Variants in EEF2K observed in about 807,000 individuals in gnomAD.
The protein encoded by EEF2K is eukaryotic elongation factor 2 kinase, also known as alternative protein EEF2K.
A neutral mutation model predicts 93.8 loss-of-function variants in EEF2K; 70 were observed. The observed-to-expected ratio is 0.75, with a 90% CI of 0.62 to 0.91. EEF2K has a LOEUF of 0.91. Ranked by LOEUF, EEF2K falls within the 40% of genes least tolerant of loss-of-function variation. The pLI is 0.00. For missense variants in EEF2K, 935 were observed against 972.9 expected (o/e 0.96, Z 0.52); for synonymous variants, 376 against 380.8 (o/e 0.99, Z 0.15).
intron 10 of EEF2K, among the ~76,000 whole-genome samples, chr16:22,259,243 A>T (rs1263671140): frequency 6.6e-6 from 1 of 152,230 alleles, no homozygotes; most frequent in Non-Finnish European, 1.5e-5. Context: ...GTAGGAAAGG[A>T]TAGAGGCAAG....
At chr16:22,224,318 G>A (rs2047041772) in intron 1 of EEF2K, among the ~76,000 whole-genome samples, 1 of 152,052 alleles carries the variant, frequency 6.6e-6, no homozygotes, top group South Asian at 2.1e-4. Context: ...CAATAACAAA[G>A]TAAACGGGGT....
chr16:22,272,213 A>C (rs926351282), intron 15 of EEF2K, among the ~76,000 whole-genome samples: 3 of 152,232 alleles, frequency 2.0e-5, no homozygotes, highest in South Asian at 2.1e-4. Flanking sequence ...ACACTTTCAC[A>C]CAAAAACTTG....
At chr16:22,280,124 C>T (rs1424213548) in intron 16 of EEF2K, 74 bp from the exon 17 acceptor site, 9 of 1,383,506 alleles carry the variant, frequency 6.5e-6, no homozygotes, top group Non-Finnish European at 7.6e-6. Context: ...CTTGCCCCTC[C>T]TGCTGGAAGG....
rs2047755405 is a variant in EEF2K at position 22,286,585 on chromosome 16, A to C, written c.*2589A>C. On this transcript the variant is annotated 3_prime_UTR_variant, in exon 18 of 18. Coordinates refer to ENST00000263026, the MANE Select transcript of EEF2K (RefSeq NM_013302.5). ...TAAAAGCTGCCACAGACACTACATG[A>C]ACACGAATGAGTGTGGCTGGTGTTC... is the stretch of plus-strand genomic sequence containing the variant. 1 of 152,262 alleles carries C rather than the reference A, an allele frequency of 6.6e-6. No homozygotes were observed. The highest frequency in any genetic ancestry group is 1.9e-4 in the East Asian group (1 of 5,206). 9.4% of individuals were successfully genotyped at this position (152,262 alleles called of 1,614,324 possible). A position where few individuals can be genotyped will look rare whatever the true frequency, so the allele number is the denominator to read the frequency against.
intron 15 of EEF2K, among the ~76,000 whole-genome samples, chr16:22,272,878 TCTCGAACTGCTGAC>T (rs747106380): frequency 9.9e-5 from 15 of 152,266 alleles, no homozygotes; most frequent in East Asian, 7.7e-4. Context: ...GCCAGGCTGG[TCTCGAACTGCTGAC>T]CTCGAACTGC....
At chr16:22,219,019 G>A (rs958996378) in intron 1 of EEF2K, among the ~76,000 whole-genome samples, 1 of 119,510 alleles carries the variant, frequency 8.4e-6, no homozygotes, top group Non-Finnish European at 1.6e-5. Context: ...GGTAGAGAAA[G>A]CTTTCAAGAA....
chr16:22,221,343 C>T (rs569278257), intron 1 of EEF2K, among the ~76,000 whole-genome samples: 29 of 152,010 alleles, frequency 1.9e-4, no homozygotes, highest in Middle Eastern at 3.4e-3. Flanking sequence ...AAACTTTAGC[C>T]GGGCATGGTG....
intron 1 of EEF2K, among the ~76,000 whole-genome samples, chr16:22,217,378 G>C (rs1042068439): frequency 2.6e-5 from 4 of 151,916 alleles, no homozygotes; most frequent in Non-Finnish European, 5.9e-5. Context: ...ATCATATACA[G>C]TGGCCCTAGT....
Position 22,251,158 on chromosome 16 carries a change from C to T in EEF2K, c.454C>T (p.Leu152Phe). Residue 152 changes from leucine to phenylalanine, a missense_variant, in exon 6 of 18, where the codon CTC becomes TTC. Coordinates refer to ENST00000263026, the MANE Select transcript of EEF2K (RefSeq NM_013302.5). ...TGTTGCCTCTTCCCACAGGAAGAAG[C>T]TCTCCAACTTCTTGCATGCCCAGCA... ...AMRECFRTKK[L>F]SNFLHAQQWK... 6.2e-7 allele frequency: 1 copy of T among 1,613,666 alleles called. No homozygotes were observed. Among genetic ancestry groups the T allele is most frequent in the Non-Finnish European group, 8.5e-7 (1 of 1,179,740 alleles).
Position 22,256,790 on chromosome 16 carries a change from C to T in EEF2K, c.661C>T (p.Pro221Ser), listed in dbSNP as rs2047405306. 1 of 1,614,144 alleles carries T rather than the reference C, an allele frequency of 6.2e-7. No individual in the cohort carries two copies. Among genetic ancestry groups the T allele is most frequent in the Non-Finnish European group, 8.5e-7 (1 of 1,180,026 alleles). Residue 221 changes from proline to serine, a missense_variant, in exon 7 of 18, where the codon CCG becomes TCG. Physicochemically the swap from Pro to Ser is moderately conservative, Grantham distance 74 (BLOSUM62 -1). Coordinates refer to ENST00000263026, the MANE Select transcript of EEF2K (RefSeq NM_013302.5). ...QMCIIELKDRPGKPLFHLEHY... is the reference protein window; with the variant it reads ...QMCIIELKDRSGKPLFHLEHY... Reference sequence around the variant, plus strand: ...GTGCATCATCGAGCTGAAGGACAGACCGGGCAAGCCCCTCTTCCACCTGGA... The same window carrying T: ...GTGCATCATCGAGCTGAAGGACAGATCGGGCAAGCCCCTCTTCCACCTGGA...
Position 22,226,885 on chromosome 16 carries a change from A to G in EEF2K, c.246+910A>G, listed in dbSNP as rs573332005. ...AGCCTAGGAGACCAGCCTGGGCAAC[A>G]TAGTGAGACCCTGTCTCTCAAAAAA... On this transcript the variant is annotated intron_variant, in intron 2 of 17. Transcript: ENST00000263026. 2.0e-5 allele frequency among the ~76,000 whole-genome samples: 3 copies of G among 152,362 alleles called. No homozygotes were observed. In the East Asian group the frequency reaches 5.8e-4, roughly 29 times the overall value.
At chr16:22,212,211 AAC>A (rs1462820917) in intron 1 of EEF2K, among the ~76,000 whole-genome samples, 1 of 152,234 alleles carries the variant, frequency 6.6e-6, no homozygotes, top group African/African-American at 2.4e-5. Flanking sequence ...ATATGCAGAA[AAC>A]ACAGTGTACT....
At position 22,280,420 on chromosome 16, in the gene EEF2K, C is replaced by T. The variant is rs760940581; in HGVS notation, c.2068+44C>T. 14 of 1,395,828 alleles carry T rather than the reference C, an allele frequency of 1.0e-5. No homozygotes were observed. In the South Asian group the frequency reaches 2.2e-4, roughly 22 times the overall value. The allele number at this position is 1,395,828 out of a possible 1,614,324, so 86.5% of individuals were successfully genotyped here. ...GCCCCTGGGCTGCAACAGGGCTGGG[C>T]AGGGAGGAACCTAATTTCCATTCCA... On this transcript the variant is annotated intron_variant, in intron 17 of 17. Coordinates refer to ENST00000263026, the MANE Select transcript of EEF2K (RefSeq NM_013302.5).
chr16:22,263,039 G>A (rs574895066), intron 11 of EEF2K, 71 bp from the exon 12 acceptor site: 70 of 1,435,956 alleles, frequency 4.9e-5, no homozygotes, highest in Admixed American at 9.3e-5. Flanking sequence ...CAGTTGGGGT[G>A]TTGAGATGTC....
intron 4 of EEF2K, 33 bp from the exon 5 acceptor site, chr16:22,250,621 G>A: frequency 2.5e-6 from 4 of 1,614,098 alleles, no homozygotes; most frequent in Non-Finnish European, 3.4e-6. Flanking sequence ...GTGGGGCATG[G>A]GGACTGATAA....
At chr16:22,261,214 AAAAT>A (rs2047458894) in intron 11 of EEF2K, among the ~76,000 whole-genome samples, 1 of 151,912 alleles carries the variant, frequency 6.6e-6, no homozygotes, top group Non-Finnish European at 1.5e-5. Flanking sequence ...TCTCTACAAA[AAAAT>A]ACAAAAGTTA....
At chr16:22,262,926 C>T (rs1399851286) in intron 11 of EEF2K, among the ~76,000 whole-genome samples, 184 bp from the exon 12 acceptor site, 1 of 152,140 alleles carries the variant, frequency 6.6e-6, no homozygotes, top group Admixed American at 6.5e-5. Context: ...ATCTGCCTGC[C>T]TCGGCCTCCC....
rs768580894 is a variant in EEF2K, at chr16:22,266,387, C to A, written c.1441-3C>A. ...GCTTCCCTGGCCGGTTCTTTCCCTT[C>A]AGGTATGTGTAGAGAAGTGGAATCT... On this transcript the variant is annotated splice_polypyrimidine_tract_variant and splice_region_variant and intron_variant, in intron 13 of 17. Coordinates refer to ENST00000263026, the MANE Select transcript of EEF2K (RefSeq NM_013302.5). 14 of 1,613,056 alleles carry A rather than the reference C, an allele frequency of 8.7e-6. No homozygotes were observed. In the South Asian group the frequency reaches 1.5e-4, roughly 18 times the overall value.
intron 2 of EEF2K, among the ~76,000 whole-genome samples, chr16:22,227,135 G>A (rs1204518591): frequency 1.3e-5 from 2 of 152,220 alleles, no homozygotes; most frequent in Non-Finnish European, 2.9e-5. Flanking sequence ...GGAGGTGGAA[G>A]TTGCGGTGAA....
Sources: gnomAD v4.1 joint callset for allele counts (sites outside exome capture counted in the v4.1 genomes callset) on GRCh38, gnomAD v4.1.1 for gene constraint, MANE v1.5 for transcripts, NCBI Gene and HGNC (gene_info 2026-07-23, HGNC 2026-07-21) for gene names.